The following SUGCT variants were observed in gnomAD, a reference collection of about 807,000 sequenced individuals.
SUGCT encodes the protein succinyl-CoA:glutarate CoA-transferase.
A neutral mutation model predicts 55.0 loss-of-function variants in SUGCT; 41 were observed. The ratio of observed to expected loss-of-function variants is 0.74; its 90% CI spans 0.58 to 0.97. The LOEUF is 0.97. Among genes scored for constraint, SUGCT ranks in the 50% least tolerant of loss-of-function variants. The probability of loss-of-function intolerance (pLI) is 0.00; values close to 1 mark genes in which losing one functional copy is unlikely to be tolerated. For synonymous variants in SUGCT, 187 were observed against 200.4 expected (o/e 0.93, Z 0.56); for missense variants, 568 against 547.8 (o/e 1.04, Z -0.37).
At chr7:40,924,999 A>G in the SUGCT span, among the ~76,000 whole-genome samples, 90 of 152,274 alleles carry the variant, frequency 5.9e-4, no homozygotes, top group Middle Eastern at 3.4e-3. Flanking sequence ...ATTCTTGTAC[A>G]TGACTCCCAG....
At chr7:40,579,024 C>T (rs1562875560) in intron 12 of SUGCT, among the ~76,000 whole-genome samples, 1 of 152,156 alleles carries the variant, frequency 6.6e-6, no homozygotes, top group Non-Finnish European at 1.5e-5. Context: ...CCGTGCTTGG[C>T]TCCAGGGACA....
chr7:40,577,358 C>G (rs1387096713), intron 12 of SUGCT, among the ~76,000 whole-genome samples: 1 of 151,336 alleles, frequency 6.6e-6, no homozygotes, highest in Non-Finnish European at 1.5e-5. Context: ...ATCTGGGTAT[C>G]TTGTAATTGG....
intron 9 of SUGCT, among the ~76,000 whole-genome samples, chr7:40,334,856 G>T (rs139610761): frequency 0.097 from 14,837 of 152,200 alleles, 881 homozygotes; most frequent in Non-Finnish European, 0.15. Context: ...GTAATGCCTA[G>T]GTTTTCTTCT....
At chr7:40,672,715 G>A (rs1802000973) in intron 12 of SUGCT, among the ~76,000 whole-genome samples, 1 of 152,168 alleles carries the variant, frequency 6.6e-6, no homozygotes, top group Non-Finnish European at 1.5e-5. Flanking sequence ...TGTTACCATT[G>A]AAGGAAACTG....
At chr7:40,953,865 G>A in the SUGCT span, among the ~76,000 whole-genome samples, 1 of 152,220 alleles carries the variant, frequency 6.6e-6, no homozygotes, top group African/African-American at 2.4e-5. Context: ...TGCCCCTATT[G>A]GGGGGTGCCT....
chr7:40,358,852 T>C (rs1038381892), intron 9 of SUGCT, among the ~76,000 whole-genome samples: 1 of 152,202 alleles, frequency 6.6e-6, no homozygotes, highest in Non-Finnish European at 1.5e-5. Flanking sequence ...ATGAGCTCCA[T>C]GTTAGGATAT....
At chr7:40,141,762 TA>T in intron 1 of SUGCT, 1 of 299,126 alleles carries the variant, frequency 3.3e-6, no homozygotes, top group South Asian at 3.1e-5. Context: ...ATGTTATAAA[TA>T]AAGGTTTGGT....
intron 6 of SUGCT, among the ~76,000 whole-genome samples, chr7:40,226,077 T>A (rs1437484064): frequency 6.6e-6 from 1 of 152,204 alleles, no homozygotes; most frequent in Non-Finnish European, 1.5e-5. Flanking sequence ...ATATGTTAAT[T>A]TAGATTGGCT....
In SUGCT at chr7:40,237,502, AGGAAT is replaced by A. The variant is rs1789092729; in HGVS notation, c.485-130_485-126del. On this transcript the variant is annotated intron_variant, in intron 6 of 13. Coordinates refer to ENST00000335693, the MANE Select transcript of SUGCT (RefSeq NM_001193313.2). ...TAATGAATTCTTACTGCCTTCTTCA[AGGAAT>A]GGTATAGATCTAATAGTCTCGAAAT... 4.4e-6 allele frequency: 3 copies of A among 685,722 alleles called. No individual in the cohort carries two copies. The African/African-American group carries it at 5.4e-5, about 12-fold the overall frequency. The allele number at this position is 685,722 out of a possible 1,614,324, so 42.5% of individuals were successfully genotyped here.
At chr7:40,324,248 A>ATATATATATATATATATATATATATATAT (rs1562681083) in intron 9 of SUGCT, among the ~76,000 whole-genome samples, 2 of 111,094 alleles carry the variant, frequency 1.8e-5, no homozygotes, top group African/African-American at 7.7e-5. Flanking sequence ...TAAATAAATA[A>ATATATATATATATATATATATATATATAT]ATAAATATAT....
intron 1 of SUGCT, among the ~76,000 whole-genome samples, chr7:40,160,942 A>G (rs974113017): frequency 2.6e-5 from 4 of 152,104 alleles, no homozygotes; most frequent in African/African-American, 9.7e-5. Flanking sequence ...ACATATATAT[A>G]ATATTATATA....
chr7:41,026,260 G>A, the SUGCT span, among the ~76,000 whole-genome samples: 1 of 152,186 alleles, frequency 6.6e-6, no homozygotes, highest in Non-Finnish European at 1.5e-5. Flanking sequence ...AATGGTGATG[G>A]TCCTGTGCTG....
the SUGCT span, among the ~76,000 whole-genome samples, chr7:41,032,336 T>G: frequency 7.2e-6 from 1 of 139,774 alleles, no homozygotes; most frequent in Admixed American, 7.0e-5. Context: ...ATTTCTCATG[T>G]TTTTTTTTTT....
At chr7:40,295,422 A>G (rs1431932695) in intron 8 of SUGCT, among the ~76,000 whole-genome samples, 1 of 152,130 alleles carries the variant, frequency 6.6e-6, no homozygotes, top group East Asian at 1.9e-4. Flanking sequence ...CTAAAAATAC[A>G]AAAATTAGCT....
At chr7:40,176,231 A>G (rs1455022190) in intron 1 of SUGCT, among the ~76,000 whole-genome samples, 4 of 152,072 alleles carry the variant, frequency 2.6e-5, no homozygotes, top group South Asian at 2.1e-4. Context: ...CAAAAGAAAA[A>G]AAAAAAAAAT....
At chr7:40,780,248 T>G (rs1428952268) in intron 13 of SUGCT, among the ~76,000 whole-genome samples, 1 of 152,198 alleles carries the variant, frequency 6.6e-6, no homozygotes, top group Non-Finnish European at 1.5e-5. Flanking sequence ...AACTATTTCC[T>G]TTTTATAATC....
chr7:40,933,972 C>T, the SUGCT span, among the ~76,000 whole-genome samples: 1 of 152,162 alleles, frequency 6.6e-6, no homozygotes, highest in African/African-American at 2.4e-5. Context: ...CAGCTTTGTT[C>T]CATTGCTGGC....
intron 12 of SUGCT, among the ~76,000 whole-genome samples, chr7:40,528,463 A>T (rs1420096520): frequency 6.6e-6 from 1 of 152,324 alleles, no homozygotes; most frequent in South Asian, 2.1e-4. Flanking sequence ...ATTCTTTATT[A>T]TAGTAATTTC....
At chr7:40,420,092 T>G (rs772248397) in intron 9 of SUGCT, among the ~76,000 whole-genome samples, 4 of 152,144 alleles carry the variant, frequency 2.6e-5, no homozygotes, top group Non-Finnish European at 5.9e-5. Flanking sequence ...TGCAGGCTGC[T>G]GTGTGAGTAC....
Sources: gnomAD v4.1 joint callset for allele counts (sites outside exome capture counted in the v4.1 genomes callset) on GRCh38, gnomAD v4.1.1 for gene constraint, MANE v1.5 for transcripts, NCBI Gene and HGNC (gene_info 2026-07-23, HGNC 2026-07-21) for gene names.